Variants in PGM5 observed in about 807,000 individuals in gnomAD.
The protein encoded by PGM5 is phosphoglucomutase-like protein 5.
PGM5 carries 23 observed loss-of-function variants against 59.2 expected under a neutral mutation model. The observed-to-expected ratio is 0.39, with a 90% CI of 0.28 to 0.55. PGM5 has a LOEUF of 0.55. Ranked by LOEUF, PGM5 falls within the 20% of genes least tolerant of loss-of-function variation. The probability of loss-of-function intolerance (pLI) is 0.66; values close to 1 mark genes in which losing one functional copy is unlikely to be tolerated. For missense variants in PGM5, 574 were observed against 748.3 expected, an observed-to-expected ratio of 0.77 and a Z score of 2.72; for synonymous variants, 214 against 286.0, an observed-to-expected ratio of 0.75 and a Z score of 2.54.
At chr9:68,463,192 T>A (rs548940680) in intron 6 of PGM5, among the ~76,000 whole-genome samples, 19 of 152,124 alleles carry the variant, frequency 1.2e-4, no homozygotes, top group African/African-American at 4.1e-4. Flanking sequence ...GTTTTTTTTT[T>A]TTTTCCTTAT....
At chr9:68,366,354 T>C (rs1339537125) in intron 1 of PGM5, among the ~76,000 whole-genome samples, 1 of 152,226 alleles carries the variant, frequency 6.6e-6, no homozygotes, top group African/African-American at 2.4e-5. Flanking sequence ...TATACACCAC[T>C]AAAATAAAGG....
intron 10 of PGM5, among the ~76,000 whole-genome samples, chr9:68,502,293 A>G (rs1824588990): frequency 6.6e-6 from 1 of 152,140 alleles, no homozygotes; most frequent in Non-Finnish European, 1.5e-5. Context: ...TGAGCCCTCA[A>G]ACCAGCTGGT....
chr9:68,487,463 TAC>T (rs67566624), intron 9 of PGM5, among the ~76,000 whole-genome samples: 4,441 of 141,528 alleles, frequency 0.031, 61 homozygotes, highest in African/African-American at 0.032. Flanking sequence ...CACACGCACA[TAC>T]ACACACACAC....
chr9:68,487,429 T>TTCTCTCTCTC (rs147613742), intron 9 of PGM5, among the ~76,000 whole-genome samples: 21 of 119,100 alleles, frequency 1.8e-4, no homozygotes, highest in Admixed American at 1.1e-3. Context: ...GATACAACTA[T>TTCTCTCTCTC]TCTCTCTCTC....
At chr9:68,482,922 T>C (rs1446885040) in intron 8 of PGM5, among the ~76,000 whole-genome samples, 1 of 152,268 alleles carries the variant, frequency 6.6e-6, no homozygotes, top group Non-Finnish European at 1.5e-5. Context: ...TTATTTTTTC[T>C]AATCGACTTC....
At chr9:68,424,089 A>G (rs907036004) in intron 6 of PGM5, among the ~76,000 whole-genome samples, 2 of 152,194 alleles carry the variant, frequency 1.3e-5, no homozygotes, top group African/African-American at 4.8e-5. Flanking sequence ...CGCAAGCCTC[A>G]GACCTCATGA....
At chr9:68,357,912 A>AACACACACACACACACAC (rs71500321) in intron 1 of PGM5, 2 of 162,988 alleles carry the variant, frequency 1.2e-5, no homozygotes, top group African/African-American at 5.3e-5. Context: ...GGTGTCTCAG[A>AACACACACACACACACAC]ACACACACAC....
chr9:68,466,956 C>T (rs1460848395), intron 7 of PGM5, among the ~76,000 whole-genome samples: 1 of 152,134 alleles, frequency 6.6e-6, no homozygotes, highest in African/African-American at 2.4e-5. Context: ...TTTACTTTTG[C>T]CCGTCTCTCA....
At chr9:68,428,976 GA>G (rs1377465609) in intron 6 of PGM5, 1 of 152,270 alleles carries the variant, frequency 6.6e-6, no homozygotes, top group African/African-American at 2.4e-5. Context: ...GGTGAGCCTG[GA>G]AAAATCTCTT....
intron 6 of PGM5, among the ~76,000 whole-genome samples, chr9:68,407,900 CTT>C (rs1263547964): frequency 6.6e-6 from 1 of 152,196 alleles, no homozygotes; most frequent in East Asian, 1.9e-4. Context: ...AAGTGGACTC[CTT>C]TGTTACTAAT....
chr9:68,391,710 T>A lies in PGM5; in HGVS notation c.874T>A (p.Phe292Ile), dbSNP rs1822369240. The change falls in exon 5 of 11, where the codon TTT becomes ATT. Residue 292 changes from phenylalanine to isoleucine, a missense_variant. This residue lies in a region of PGM5 where 34 missense variants were observed against 48.1 expected (regional missense o/e 0.71). Transcript: ENST00000396396. Reference sequence around the variant, plus strand: ...AGGAGAATATGGATTTGGAGCTGCATTTGATGCTGATGGGGTAAGTAGGAA... The same window carrying A: ...AGGAGAATATGGATTTGGAGCTGCAATTGATGCTGATGGGGTAAGTAGGAA... ...KGGEYGFGAA[F>I]DADGDRYMIL... 1 of 1,613,052 alleles carries A rather than the reference T, an allele frequency of 6.2e-7. No homozygotes were observed. Among genetic ancestry groups the A allele is most frequent in the Middle Eastern group, 1.7e-4 (1 of 6,042 alleles).
rs10780962 is a variant in PGM5 at position 68,469,396 on chromosome 9, A to G, written c.1159+4188A>G. Among the ~76,000 whole-genome samples the G allele has an allele frequency of 0.034, 5,128 of 152,228 alleles. 453 individuals carry two copies. The East Asian group carries it at 0.35, about 10-fold the overall frequency. ...TGAGCACTTAGTATGTACCTTTTGT[A>G]TGTATTCATCTTTTTCTAGAAATTT... On this transcript the variant is annotated intron_variant, in intron 7 of 10. Transcript: ENST00000396396.
rs1299222804 is a variant in PGM5, at chr9:68,479,502, A to C, written c.1244A>C (p.Glu415Ala). ...ATTGCTGCCCGGAAGCAGAGTGTGG[A>C]GGAAATTGTCCGAGATCACTGGGCC... ...SIIAARKQSV[E>A]EIVRDHWAKF... The change falls in exon 8 of 11, where the codon GAG becomes GCG. Residue 415 changes from glutamate to alanine, a missense_variant. Transcript: ENST00000396396. The C allele has an allele frequency of 3.7e-6, 6 of 1,613,744 alleles. No individual in the cohort carries two copies. Among genetic ancestry groups the C allele is most frequent in the Non-Finnish European group, 5.1e-6 (6 of 1,179,944 alleles).
chr9:68,450,931 A>G (rs1587814271), intron 6 of PGM5, among the ~76,000 whole-genome samples: 1 of 152,190 alleles, frequency 6.6e-6, no homozygotes, highest in East Asian at 1.9e-4. Flanking sequence ...AATTTGTAGA[A>G]CCTTATGAAA....
At chr9:68,487,713 A>G (rs1445648700) in intron 9 of PGM5, among the ~76,000 whole-genome samples, 1 of 152,222 alleles carries the variant, frequency 6.6e-6, no homozygotes, top group Non-Finnish European at 1.5e-5. Context: ...AATAATTTTC[A>G]ACAATGAATT....
At chr9:68,463,180 ATGT>A (rs1554685543) in intron 6 of PGM5, among the ~76,000 whole-genome samples, 2 of 149,464 alleles carry the variant, frequency 1.3e-5, no homozygotes, top group Admixed American at 1.3e-4. Context: ...GAGTTTCTAG[ATGT>A]TTTTTTTTTT....
chr9:68,497,283 C>A (rs1339004572), intron 9 of PGM5: 2 of 152,080 alleles, frequency 1.3e-5, no homozygotes, highest in Non-Finnish European at 2.9e-5. Context: ...ATTCATATAC[C>A]CAGGATTTAG....
At chr9:68,389,543 C>T (rs374827745) in intron 4 of PGM5, among the ~76,000 whole-genome samples, 191 of 152,174 alleles carry the variant, frequency 1.3e-3, no homozygotes, top group African/African-American at 4.4e-3. Flanking sequence ...ATAATAATTT[C>T]GATATACATT....
intron 6 of PGM5, among the ~76,000 whole-genome samples, 158 bp from the exon 7 acceptor site, chr9:68,464,935 A>G (rs1317171394): frequency 6.6e-6 from 1 of 152,204 alleles, no homozygotes; most frequent in African/African-American, 2.4e-5. Flanking sequence ...ATTATTTTCT[A>G]ACTTATGGCT....
Sources: allele counts gnomAD v4.1 joint callset (sites outside exome capture counted in the v4.1 genomes callset), GRCh38; gene constraint gnomAD v4.1.1; regional missense constraint gnomAD v4.1.1; transcripts MANE v1.5; gene names NCBI Gene and HGNC (gene_info 2026-07-23, HGNC 2026-07-21).